The following PAM variants were observed in gnomAD, a reference collection of about 807,000 sequenced individuals.
PAM encodes the protein peptidylglycine alpha-amidating monooxygenase, also known as peptidyl-glycine alpha-amidating monooxygenase.
PAM carries 72 observed loss-of-function variants against 122.1 expected under a neutral mutation model. That is an observed-to-expected ratio of 0.59 (90% CI 0.49 to 0.72). PAM has a LOEUF of 0.72. PAM is among the 30% of genes least tolerant of loss of function. The pLI is 0.00. For synonymous variants in PAM, 389 were observed against 404.4 expected (o/e 0.96, Z 0.46); for missense variants, 1,106 against 1,183.7 (o/e 0.93, Z 0.96).
At chr5:102,961,435 T>C (rs1762468596) in intron 14 of PAM, among the ~76,000 whole-genome samples, 1 of 151,916 alleles carries the variant, frequency 6.6e-6, no homozygotes, top group Non-Finnish European at 1.5e-5. Flanking sequence ...TCATATAATT[T>C]AGTGCTGTTT....
At chr5:102,779,918 T>TATATACACACAC (rs147065045) in intron 1 of PAM, among the ~76,000 whole-genome samples, 2,300 of 95,242 alleles carry the variant, frequency 0.024, 79 homozygotes, top group African/African-American at 0.055. Context: ...TATATATATA[T>TATATACACACAC]ACACACATAT....
At chr5:102,910,514 C>T (rs1290384694) in intron 4 of PAM, among the ~76,000 whole-genome samples, 3 of 151,874 alleles carry the variant, frequency 2.0e-5, no homozygotes, top group Non-Finnish European at 4.4e-5. Context: ...TCGCTGATCT[C>T]ATACATCAGG....
chr5:102,952,659 C>T (rs1333900094), intron 12 of PAM, among the ~76,000 whole-genome samples: 3 of 152,094 alleles, frequency 2.0e-5, no homozygotes, highest in Non-Finnish European at 4.4e-5. Flanking sequence ...ATAATGTTCT[C>T]ATAGCAGTTA....
At chr5:102,805,954 G>C (rs1467994468) in intron 1 of PAM, among the ~76,000 whole-genome samples, 1 of 152,104 alleles carries the variant, frequency 6.6e-6, no homozygotes, top group Non-Finnish European at 1.5e-5. Context: ...TTTTGTTTCT[G>C]CTGGTGGTCT....
intron 1 of PAM, chr5:102,808,223 C>T (rs573853052): frequency 6.6e-6 from 1 of 152,176 alleles, no homozygotes; most frequent in Non-Finnish European, 1.5e-5. Context: ...ACATCTGTAG[C>T]AATGGAAGGT....
intron 1 of PAM, among the ~76,000 whole-genome samples, chr5:102,789,087 A>G (rs906791374): frequency 6.6e-6 from 1 of 152,168 alleles, no homozygotes; most frequent in Non-Finnish European, 1.5e-5. Context: ...ACCTTACGTC[A>G]TAGGTATAAA....
At chr5:102,835,324 ATTTGTGGAGAAGAGGT>A (rs2150493474) in intron 1 of PAM, among the ~76,000 whole-genome samples, 1 of 152,218 alleles carries the variant, frequency 6.6e-6, no homozygotes, top group South Asian at 2.1e-4. Flanking sequence ...ATAACCTTGT[ATTTGTGGAGAAGAGGT>A]TTTGGGTACA....
intron 8 of PAM, among the ~76,000 whole-genome samples, chr5:102,948,105 C>T (rs999178653): frequency 6.6e-6 from 1 of 152,154 alleles, no homozygotes; most frequent in Non-Finnish European, 1.5e-5. Context: ...ATTTAAAAAT[C>T]ACCTACCCAG....
intron 1 of PAM, among the ~76,000 whole-genome samples, chr5:102,856,624 G>A (rs1782702150): frequency 6.6e-6 from 1 of 152,176 alleles, no homozygotes; most frequent in Non-Finnish European, 1.5e-5. Context: ...CCCCGTGGAA[G>A]TATTTACAGG....
intron 1 of PAM, among the ~76,000 whole-genome samples, chr5:102,836,211 T>C (rs1776980872): frequency 6.6e-6 from 1 of 152,216 alleles, no homozygotes. Context: ...ATATTTTATG[T>C]TGAAAAATCT....
chr5:102,870,259 GC>G (rs1357688365), intron 3 of PAM, among the ~76,000 whole-genome samples: 1 of 151,974 alleles, frequency 6.6e-6, no homozygotes, highest in African/African-American at 2.4e-5. Flanking sequence ...TTAAGTTTTG[GC>G]AATAATGAAA....
intron 1 of PAM, among the ~76,000 whole-genome samples, chr5:102,767,410 T>C (rs1754438669): frequency 6.6e-6 from 1 of 152,182 alleles, no homozygotes; most frequent in Non-Finnish European, 1.5e-5. Context: ...ATTCTGGTGT[T>C]AGGACAGCCT....
Position 103,028,174 on chromosome 5 carries a change from T to C in PAM, c.2690-11T>C. Reference sequence around the variant, plus strand: ...GGACTCATTTTGAAATGTGCCATCTTTTTTTAGCAGATTCTGAACACAAAC... The same window carrying C: ...GGACTCATTTTGAAATGTGCCATCTCTTTTTAGCAGATTCTGAACACAAAC... On this transcript the variant is annotated splice_polypyrimidine_tract_variant and intron_variant, in intron 24 of 25. Transcript: ENST00000438793. 6.2e-7 allele frequency: 1 copy of C among 1,610,672 alleles called. No individual in the cohort carries two copies. Among genetic ancestry groups the C allele is most frequent in the Non-Finnish European group, 8.5e-7 (1 of 1,177,154 alleles).
intron 7 of PAM, among the ~76,000 whole-genome samples, chr5:102,934,116 T>G (rs1752489407): frequency 6.6e-6 from 1 of 152,182 alleles, no homozygotes; most frequent in Admixed American, 6.5e-5. Flanking sequence ...TCGGAATACT[T>G]TCCATATTTA....
At chr5:102,796,318 G>T (rs1398232759) in intron 1 of PAM, among the ~76,000 whole-genome samples, 1 of 152,138 alleles carries the variant, frequency 6.6e-6, no homozygotes, top group East Asian at 1.9e-4. Context: ...CTCATAGATC[G>T]ATCTGTGCCT....
At chr5:102,994,297 CT>C (rs1171849428) in intron 16 of PAM, among the ~76,000 whole-genome samples, 1 of 152,132 alleles carries the variant, frequency 6.6e-6, no homozygotes, top group African/African-American at 2.4e-5. Flanking sequence ...AATCTGAGTC[CT>C]GTTACTTCAC....
chr5:103,012,281 G>A (rs1419191636), intron 21 of PAM, among the ~76,000 whole-genome samples: 1 of 152,082 alleles, frequency 6.6e-6, no homozygotes, highest in East Asian at 1.9e-4. Context: ...GATCCCATTT[G>A]TTGATTTTTG....
chr5:102,825,975 G>A (rs1408872915), intron 1 of PAM, among the ~76,000 whole-genome samples: 2 of 151,998 alleles, frequency 1.3e-5, no homozygotes, highest in East Asian at 1.9e-4. Context: ...ACAATTTCCC[G>A]GCTTTGGATA....
intron 21 of PAM, among the ~76,000 whole-genome samples, chr5:103,011,757 T>C (rs1258931060): frequency 6.6e-6 from 1 of 152,196 alleles, no homozygotes; most frequent in Non-Finnish European, 1.5e-5. Context: ...TATACTAATT[T>C]CCTTTCTTTT....
Sources: allele counts gnomAD v4.1 joint callset (sites outside exome capture counted in the v4.1 genomes callset), GRCh38; gene constraint gnomAD v4.1.1; transcripts MANE v1.5; gene names NCBI Gene and HGNC (gene_info 2026-07-23, HGNC 2026-07-21).